Variants in MGMT observed in about 807,000 individuals in gnomAD.
The protein encoded by MGMT is O-6-methylguanine-DNA methyltransferase.
In MGMT, 14 loss-of-function variants were observed where a neutral mutation model predicts 15.9. The ratio of observed to expected loss-of-function variants is 0.88; its 90% CI spans 0.58 to 1.37. The LOEUF (loss-of-function observed/expected upper bound fraction) is 1.37. Ranked by LOEUF, MGMT falls within the 40% of genes most tolerant of loss-of-function variation. MGMT has a pLI of 0.00. For synonymous variants in MGMT, 130 were observed against 118.2 expected, an observed-to-expected ratio of 1.10 and a Z score of -0.65; for missense variants, 282 against 268.1, an observed-to-expected ratio of 1.05 and a Z score of -0.36.
chr10:129,507,401 C>T (rs371926530), intron 1 of MGMT, among the ~76,000 whole-genome samples: 68 of 152,328 alleles, frequency 4.5e-4, no homozygotes, highest in African/African-American at 1.5e-3. Context: ...CAGTTTGGTG[C>T]GGGCCGCCCT....
intron 3 of MGMT, among the ~76,000 whole-genome samples, chr10:129,729,274 C>A (rs992183136): frequency 2.6e-5 from 4 of 152,166 alleles, no homozygotes; most frequent in African/African-American, 9.7e-5. Flanking sequence ...ATGGTGTTAC[C>A]CACTGCACAG....
At chr10:129,762,661 A>G (rs1476055255) in intron 4 of MGMT, among the ~76,000 whole-genome samples, 1 of 152,192 alleles carries the variant, frequency 6.6e-6, no homozygotes, top group Non-Finnish European at 1.5e-5. Context: ...TTCAAAGGCA[A>G]TCGATACATT....
At chr10:129,736,340 T>C (rs1848560371) in intron 3 of MGMT, among the ~76,000 whole-genome samples, 2 of 151,854 alleles carry the variant, frequency 1.3e-5, no homozygotes, top group East Asian at 3.9e-4. Flanking sequence ...TCTTTTGATC[T>C]TTGTTGGTTT....
At chr10:129,525,598 A>G (rs1271829302) in intron 1 of MGMT, among the ~76,000 whole-genome samples, 7 of 152,160 alleles carry the variant, frequency 4.6e-5, no homozygotes, top group Non-Finnish European at 1.0e-4. Flanking sequence ...CAACCAAAGC[A>G]TCATTAATCA....
chr10:129,742,202 A>G (rs1848642097), intron 3 of MGMT, among the ~76,000 whole-genome samples: 1 of 152,192 alleles, frequency 6.6e-6, no homozygotes, highest in Non-Finnish European at 1.5e-5. Flanking sequence ...TCATGTGCCT[A>G]CTGGGTGGGG....
intron 3 of MGMT, among the ~76,000 whole-genome samples, chr10:129,722,794 C>A (rs1394077744): frequency 2.0e-5 from 3 of 151,956 alleles, no homozygotes; most frequent in Admixed American, 2.0e-4. Flanking sequence ...TCACTTGAGG[C>A]CAGGAGTTCA....
intron 1 of MGMT, among the ~76,000 whole-genome samples, chr10:129,503,962 G>C (rs1845600406): frequency 6.6e-6 from 1 of 152,144 alleles, no homozygotes; most frequent in South Asian, 2.1e-4. Context: ...TGTGTGCACT[G>C]GGAACATCTC....
chr10:129,503,116 TTTA>T (rs1208831880), intron 1 of MGMT, among the ~76,000 whole-genome samples: 4 of 151,822 alleles, frequency 2.6e-5, no homozygotes, highest in Non-Finnish European at 2.9e-5. Context: ...GATTTTTTTT[TTTA>T]TTATTATCCT....
chr10:129,589,682 A>C (rs1269057402), intron 2 of MGMT, among the ~76,000 whole-genome samples: 1 of 152,202 alleles, frequency 6.6e-6, no homozygotes, highest in Non-Finnish European at 1.5e-5. Flanking sequence ...GGGCTGCTTA[A>C]CGCTCACATG....
At chr10:129,647,185 G>T (rs1417798614) in intron 2 of MGMT, among the ~76,000 whole-genome samples, 1 of 152,156 alleles carries the variant, frequency 6.6e-6, no homozygotes, top group Non-Finnish European at 1.5e-5. Context: ...CTCTGCGGAG[G>T]CGCCTGCGGA....
At chr10:129,497,152 T>A (rs1304710748) in intron 1 of MGMT, among the ~76,000 whole-genome samples, 1 of 152,218 alleles carries the variant, frequency 6.6e-6, no homozygotes, top group Admixed American at 6.5e-5. Flanking sequence ...AATCTTAATT[T>A]ATGATCTATT....
chr10:129,502,964 T>C (rs1032219636), intron 1 of MGMT, among the ~76,000 whole-genome samples: 2 of 152,232 alleles, frequency 1.3e-5, no homozygotes, highest in Non-Finnish European at 2.9e-5. Flanking sequence ...TTCATTTATA[T>C]TTAAAACTGA....
chr10:129,764,253 A>G (rs1485329586), intron 4 of MGMT, among the ~76,000 whole-genome samples: 1 of 152,206 alleles, frequency 6.6e-6, no homozygotes, highest in Non-Finnish European at 1.5e-5. Context: ...GATGGGGGCC[A>G]TAGATGGGGT....
At chr10:129,675,606 T>G (rs1320197712) in intron 2 of MGMT, among the ~76,000 whole-genome samples, 1 of 152,046 alleles carries the variant, frequency 6.6e-6, no homozygotes, top group Non-Finnish European at 1.5e-5. Context: ...ACCTTGGGCC[T>G]GCTCTTGTTG....
At chr10:129,701,821 A>G (rs915463212) in intron 2 of MGMT, 3 of 151,260 alleles carry the variant, frequency 2.0e-5, no homozygotes, top group African/African-American at 4.9e-5. Flanking sequence ...TTCTCTCATC[A>G]CCCCCAGCTC....
intron 1 of MGMT, among the ~76,000 whole-genome samples, chr10:129,511,119 A>G (rs7083377): frequency 0.96 from 134,199 of 139,708 alleles, 64,362 homozygotes; most frequent in Non-Finnish European, 1. Flanking sequence ...ATGGGAACCC[A>G]GTATACTAGA....
intron 3 of MGMT, among the ~76,000 whole-genome samples, chr10:129,722,216 A>G (rs1848380381): frequency 6.6e-6 from 1 of 152,192 alleles, no homozygotes; most frequent in Admixed American, 6.5e-5. Context: ...TGAGGATACA[A>G]TTTTAACATA....
chr10:129,702,692 C>T (rs1247199739), intron 2 of MGMT, among the ~76,000 whole-genome samples: 1 of 152,210 alleles, frequency 6.6e-6, no homozygotes, highest in Non-Finnish European at 1.5e-5. Flanking sequence ...GCATCCGTGG[C>T]AGCCCCCGGA....
chr10:129,692,913 G>A (rs199612734), intron 2 of MGMT, among the ~76,000 whole-genome samples: 68 of 152,352 alleles, frequency 4.5e-4, no homozygotes, highest in African/African-American at 1.4e-3. Context: ...GTCGTTCCCA[G>A]TGTGGGCAGT....
Sources: gnomAD v4.1 joint callset for allele counts (sites outside exome capture counted in the v4.1 genomes callset) on GRCh38, gnomAD v4.1.1 for gene constraint, MANE v1.5 for transcripts, NCBI Gene and HGNC (gene_info 2026-07-23, HGNC 2026-07-21) for gene names.